The following TTC23 variants were observed in gnomAD, a reference collection of about 807,000 sequenced individuals.
TTC23 encodes the protein tetratricopeptide repeat protein 23.
A neutral mutation model predicts 55.1 loss-of-function variants in TTC23; 58 were observed. The ratio of observed to expected loss-of-function variants is 1.05; its 90% CI spans 0.85 to 1.31. The LOEUF is 1.31. TTC23 is among the 50% of genes most tolerant of loss of function. The pLI, the probability that TTC23 is intolerant of heterozygous loss-of-function variation, is 0.00. For missense variants in TTC23, 516 were observed against 534.4 expected (o/e 0.97, Z 0.34); for synonymous variants, 203 against 199.9 (o/e 1.02, Z -0.13).
intron 12 of TTC23, chr15:99,145,130 T>C (rs1278334388): frequency 1.3e-5 from 2 of 152,142 alleles, no homozygotes; most frequent in East Asian, 1.9e-4. Context: ...TCAGGGGTAG[T>C]GGGTGGTTTT....
In TTC23 at chr15:99,224,294, T is replaced by A. The variant is rs541101853; in HGVS notation, c.181-2430A>T. On this transcript the variant is annotated intron_variant, in intron 5 of 13. Coordinates refer to ENST00000394132, the MANE Select transcript of TTC23 (RefSeq NM_001288615.3). The stretch of plus-strand genomic sequence containing the variant: ...AAAAAGATAAAAACTAAAAATCACC[T>A]GTAAGTTTACCGCCTAGAGATATCT... Among the ~76,000 whole-genome samples the A allele has an allele frequency of 8.9e-4, 135 of 152,350 alleles. 1 individual carries two copies. The highest frequency in any genetic ancestry group is 3.2e-3 in the African/African-American group (132 of 41,588).
chr15:99,199,563 G>A lies in TTC23; in HGVS notation c.759+356C>T, dbSNP rs73463368. On this transcript the variant is annotated intron_variant, in intron 9 of 13. Coordinates refer to ENST00000394132, the MANE Select transcript of TTC23 (RefSeq NM_001288615.3). Reference sequence around the variant, plus strand: ...AGGAATCTTATAAAGTAGACTAGCAGCTAACAGACATAACTCTAGGTGGCT... The same window carrying A: ...AGGAATCTTATAAAGTAGACTAGCAACTAACAGACATAACTCTAGGTGGCT... Among the ~76,000 whole-genome samples, 1,468 of 152,044 alleles carry A rather than the reference G, an allele frequency of 9.7e-3. 31 individuals carry two copies. The highest frequency in any genetic ancestry group is 0.034 in the African/African-American group (1,393 of 41,472).
chr15:99,225,789 A>G (rs2152062353), intron 5 of TTC23, among the ~76,000 whole-genome samples: 1 of 152,332 alleles, frequency 6.6e-6, no homozygotes, highest in East Asian at 1.9e-4. Context: ...GTCTCAGTGA[A>G]TCTACCCACA....
intron 9 of TTC23, 108 bp downstream of exon 9, chr15:99,199,811 T>G: frequency 8.6e-7 from 1 of 1,161,352 alleles, no homozygotes; most frequent in Non-Finnish European, 1.2e-6. Context: ...GTTGTCCTTA[T>G]CTAGAGCAAA....
At chr15:99,208,716 A>G (rs2076815247) in intron 8 of TTC23, among the ~76,000 whole-genome samples, 1 of 141,828 alleles carries the variant, frequency 7.1e-6, no homozygotes, top group Non-Finnish European at 1.5e-5. Context: ...ATAGAAAATA[A>G]AATTACTTTA....
chr15:99,154,184 T>C (rs1670222), intron 12 of TTC23, among the ~76,000 whole-genome samples: 47,836 of 152,082 alleles, frequency 0.31, 8,840 homozygotes, highest in African/African-American at 0.52. Context: ...GCATAAATTC[T>C]TTCAGTGCAT....
intron 3 of TTC23, among the ~76,000 whole-genome samples, chr15:99,238,158 G>A (rs2079480820): frequency 6.6e-6 from 1 of 151,728 alleles, no homozygotes; most frequent in African/African-American, 2.4e-5. Context: ...CAGTAGAGAT[G>A]GGGTTTCACC....
intron 12 of TTC23, among the ~76,000 whole-genome samples, chr15:99,151,012 A>G (rs1555496636): frequency 6.6e-6 from 1 of 151,600 alleles, no homozygotes; most frequent in Admixed American, 6.6e-5. Context: ...TTATCTGGAC[A>G]CTTTCCCTAA....
intron 10 of TTC23, 79 bp downstream of exon 10, chr15:99,174,970 AC>A (rs2073373448): frequency 8.0e-7 from 1 of 1,248,762 alleles, no homozygotes; most frequent in Non-Finnish European, 1.1e-6. Flanking sequence ...GGCTCTGTCC[AC>A]CTGTTAACCC....
intron 8 of TTC23, 61 bp from the exon 9 acceptor site, chr15:99,200,157 G>T: frequency 7.2e-7 from 1 of 1,393,100 alleles, no homozygotes; most frequent in Non-Finnish European, 9.5e-7. Context: ...TGAAAATATA[G>T]GTGAGCTGGT....
rs756882783 is a variant in TTC23 at position 99,161,807 on chromosome 15, C to A, written c.926G>T (p.Gly309Val). 11 of 1,613,700 alleles carry A rather than the reference C, an allele frequency of 6.8e-6. No homozygotes were observed. In the South Asian group the frequency reaches 1.2e-4, roughly 18 times the overall value. ...TTGAATTGAAAGAAATTTGGTTCTTCCCATCCCTTCAGAATCCTTAAGATG... is the reference window on the plus strand; with the variant it reads ...TTGAATTGAAAGAAATTTGGTTCTTACCATCCCTTCAGAATCCTTAAGATG... ...MAHLKDSEGMGRTKFLSIQDE... is the reference protein window; with the variant it reads ...MAHLKDSEGMVRTKFLSIQDE... Residue 309 changes from glycine (G) to valine (V), a missense_variant, in exon 11 of 14, where the codon GGA (glycine) becomes GTA (valine). Physicochemically the swap from Gly to Val is moderately radical, Grantham distance 109 (BLOSUM62 -3). Coordinates refer to ENST00000394132, the MANE Select transcript of TTC23 (RefSeq NM_001288615.3).
intron 10 of TTC23, among the ~76,000 whole-genome samples, chr15:99,174,142 A>G (rs144768070): frequency 1.2e-3 from 179 of 152,260 alleles, no homozygotes; most frequent in African/African-American, 3.4e-3. Flanking sequence ...AGAGATCTGC[A>G]AGGTGTGATG....
intron 12 of TTC23, chr15:99,141,177 T>C (rs782740200): frequency 1.2e-4 from 18 of 152,204 alleles, no homozygotes; most frequent in Non-Finnish European, 2.2e-4. Flanking sequence ...TAGCAATATT[T>C]AGTAATGAAT....
At chr15:99,151,354 A>G (rs1469926806) in intron 12 of TTC23, 1 of 152,278 alleles carries the variant, frequency 6.6e-6, no homozygotes, top group Non-Finnish European at 1.5e-5. Flanking sequence ...CAGGCCCGTC[A>G]GTCTTTCCCT....
chr15:99,228,510 T>C, intron 5 of TTC23, 23 bp downstream of exon 5: 1 of 1,579,186 alleles, frequency 6.3e-7, no homozygotes, highest in Non-Finnish European at 8.6e-7. Flanking sequence ...AGAGTAGAAA[T>C]ACAGAAACAA....
chr15:99,247,078 G>A (rs940456624), intron 1 of TTC23, among the ~76,000 whole-genome samples: 65 of 152,130 alleles, frequency 4.3e-4, no homozygotes, highest in African/African-American at 1.4e-3. Context: ...GCTTCATATC[G>A]TCAGTCATCA....
rs182644320 is a variant in TTC23, at chr15:99,144,899, C to G, written c.1144-5500G>C. On this transcript the variant is annotated intron_variant, in intron 12 of 13. Coordinates refer to ENST00000394132, the MANE Select transcript of TTC23 (RefSeq NM_001288615.3). ...ATTACTCAGAAACTTGAAAATTGTG[C>G]TTCTGTTTTCATGTCAATTCTCAAG... 9 of 152,322 alleles carry G rather than the reference C, an allele frequency of 5.9e-5. No individual in the cohort carries two copies. The East Asian group carries it at 1.7e-3, about 29-fold the overall frequency. 9.4% of individuals were successfully genotyped at this position (152,322 alleles called of 1,614,324 possible). A position where few individuals can be genotyped will look rare whatever the true frequency, so the allele number is the denominator to read the frequency against.
At chr15:99,179,006 G>C (rs1465941108) in intron 9 of TTC23, among the ~76,000 whole-genome samples, 1 of 152,126 alleles carries the variant, frequency 6.6e-6, no homozygotes, top group Non-Finnish European at 1.5e-5. Context: ...TGTCTTCCCT[G>C]GTCCAGGCTG....
intron 8 of TTC23, among the ~76,000 whole-genome samples, chr15:99,200,887 G>A (rs1051994565): frequency 1.1e-4 from 17 of 152,222 alleles, no homozygotes; most frequent in Admixed American, 9.8e-4. Context: ...GGAATGCCAC[G>A]TAGCCATGAA....
Sources: allele counts gnomAD v4.1 joint callset (sites outside exome capture counted in the v4.1 genomes callset), GRCh38; gene constraint gnomAD v4.1.1; transcripts MANE v1.5; gene names NCBI Gene and HGNC (gene_info 2026-07-23, HGNC 2026-07-21).